SLC6A7: variants seen among roughly 807,000 people sequenced by gnomAD.
The protein encoded by SLC6A7 is sodium-dependent proline transporter.
A neutral mutation model predicts 73.1 loss-of-function variants in SLC6A7; 58 were observed. The observed-to-expected ratio is 0.79, with a 90% CI of 0.64 to 0.99. The LOEUF (loss-of-function observed/expected upper bound fraction) is 0.99. SLC6A7 is among the 50% of genes least tolerant of loss of function. The pLI is 0.00. For synonymous variants in SLC6A7, 338 were observed against 338.7 expected, an observed-to-expected ratio of 1.00 and a Z score of 0.02; for missense variants, 783 against 831.4, an observed-to-expected ratio of 0.94 and a Z score of 0.72.
chr5:150,196,744 G>A lies in SLC6A7; in HGVS notation c.246G>A (p.Met82Ile), dbSNP rs1299240222. Reference sequence around the variant, plus strand: ...CCTTCCTCGTGCCCTACTTCCTCATGCTGGCCATCTGTGGCATCCCCCTCT... The same window carrying A: ...CCTTCCTCGTGCCCTACTTCCTCATACTGGCCATCTGTGGCATCCCCCTCT... Reference protein sequence around the residue: ...GGAFLVPYFLMLAICGIPLFF... With the variant: ...GGAFLVPYFLILAICGIPLFF... The change falls in exon 3 of 14, where the codon ATG (methionine) becomes ATA (isoleucine). Residue 82 changes from methionine (M) to isoleucine (I), a missense_variant. Physicochemically the swap from Met to Ile is conservative, Grantham distance 10. Transcript: ENST00000230671. The A allele has an allele frequency of 2.5e-6, 4 of 1,614,040 alleles. No homozygotes were observed. The highest frequency in any genetic ancestry group is 1.3e-5 in the African/African-American group (1 of 75,040).
chr5:150,199,114 AG>A, intron 4 of SLC6A7, 113 bp from the exon 5 acceptor site: 1 of 1,367,982 alleles, frequency 7.3e-7, no homozygotes, highest in South Asian at 1.7e-5. Context: ...AGGGATCAAG[AG>A]GGCGTCAAGT....
At chr5:150,206,243 C>A (rs867334932) in intron 13 of SLC6A7, among the ~76,000 whole-genome samples, 6 of 152,124 alleles carry the variant, frequency 3.9e-5, no homozygotes, top group African/African-American at 1.4e-4. Flanking sequence ...GTGTGGAGTC[C>A]TCCGGTGGCA....
chr5:150,192,817 G>T (rs1382541901), intron 1 of SLC6A7, among the ~76,000 whole-genome samples: 3 of 152,226 alleles, frequency 2.0e-5, no homozygotes, highest in African/African-American at 7.2e-5. Context: ...GGGACCTCCT[G>T]CTAACTGGCC....
intron 2 of SLC6A7, 55 bp downstream of exon 2, chr5:150,194,966 G>A (rs1752952132): frequency 4.0e-6 from 6 of 1,513,980 alleles, no homozygotes; most frequent in Non-Finnish European, 5.5e-6. Context: ...CAAGGCCCTG[G>A]GGTACAGTGA....
chr5:150,205,760 G>C, intron 13 of SLC6A7, 137 bp downstream of exon 13: 1 of 723,072 alleles, frequency 1.4e-6, no homozygotes, highest in South Asian at 1.9e-5. Context: ...CCTGGGCTGA[G>C]GCAGATTCAG....
At chr5:150,204,681 G>A in intron 11 of SLC6A7, 50 bp downstream of exon 11, 1 of 1,451,120 alleles carries the variant, frequency 6.9e-7, no homozygotes, top group Non-Finnish European at 9.7e-7. Flanking sequence ...GTGGGAGAAT[G>A]GGAGTCTACC....
In SLC6A7 at chr5:150,196,928, G is replaced by A. The variant is rs563332249; in HGVS notation, c.349+81G>A. The A allele has an allele frequency of 7.1e-6, 11 of 1,543,354 alleles. No homozygotes were observed. The East Asian group carries it at 2.3e-4, about 32-fold the overall frequency. On this transcript the variant is annotated intron_variant, in intron 3 of 13. Coordinates refer to ENST00000230671, the MANE Select transcript of SLC6A7 (RefSeq NM_014228.5). ...GAGGTTGCCCCCAGAACCCCTGCCAGCTCCAGGCAGAGGTGGAAGTGAAGC... is the reference window on the plus strand; with the variant it reads ...GAGGTTGCCCCCAGAACCCCTGCCAACTCCAGGCAGAGGTGGAAGTGAAGC...
At chr5:150,207,244 G>C (rs1278871609) in intron 13 of SLC6A7, among the ~76,000 whole-genome samples, 3 of 152,030 alleles carry the variant, frequency 2.0e-5, no homozygotes, top group African/African-American at 7.3e-5. Context: ...CCAATAGGCA[G>C]GTTTTTTTGT....
Position 150,203,978 on chromosome 5 carries a change from G to A in SLC6A7, c.1272G>A (p.Ala424=), listed in dbSNP as rs568505251. 17 of 1,613,804 alleles carry A rather than the reference G, an allele frequency of 1.1e-5. No homozygotes were observed. The highest frequency in any genetic ancestry group is 9.9e-5 in the South Asian group (9 of 91,052). ...CATACTACCTGCGGCCCAAGAAGGC[G>A]GTGTTCTCAGGGCTCATCTGCGTGG... ...EFPYYLRPKK[A]VFSGLICVAM... Residue 424 remains alanine, a synonymous_variant, in exon 10 of 14, where the codon GCG becomes GCA. Transcript: ENST00000230671.
At chr5:150,192,985 C>T (rs139285543) in intron 1 of SLC6A7, among the ~76,000 whole-genome samples, 8 of 152,284 alleles carry the variant, frequency 5.3e-5, no homozygotes, top group East Asian at 3.9e-4. Context: ...CCTCAGGGAA[C>T]GGGGCATTGG....
At position 150,202,855 on chromosome 5, in the gene SLC6A7, G is replaced by A. The variant is rs1013410264; in HGVS notation, c.1087+152G>A. Reference sequence around the variant, plus strand: ...TTTGGGAGGCCAAGGTGGGCGGATCGCTTGAGGTCAGGAGTTCGAGACCAG... The same window carrying A: ...TTTGGGAGGCCAAGGTGGGCGGATCACTTGAGGTCAGGAGTTCGAGACCAG... On this transcript the variant is annotated intron_variant, in intron 8 of 13. Coordinates refer to ENST00000230671, the MANE Select transcript of SLC6A7 (RefSeq NM_014228.5). The A allele has an allele frequency of 2.2e-5, 18 of 804,646 alleles. 1 individual carries two copies. The highest frequency in any genetic ancestry group is 1.1e-4 in the South Asian group (6 of 55,654). 49.8% of individuals were successfully genotyped at this position (804,646 alleles called of 1,614,324 possible).
intron 4 of SLC6A7, among the ~76,000 whole-genome samples, chr5:150,198,251 G>C (rs1473882432): frequency 6.6e-6 from 1 of 152,160 alleles, no homozygotes; most frequent in African/African-American, 2.4e-5. Context: ...AAAATAGCCT[G>C]GTCCCTAGGT....
chr5:150,205,417 C>A, intron 12 of SLC6A7, 39 bp from the exon 13 acceptor site: 1 of 1,549,712 alleles, frequency 6.5e-7, no homozygotes, highest in South Asian at 1.2e-5. Context: ...GCAGTTTAGA[C>A]AAAAGCCCGC....
At chr5:150,206,649 C>T (rs1397626643) in intron 13 of SLC6A7, among the ~76,000 whole-genome samples, 1 of 152,258 alleles carries the variant, frequency 6.6e-6, no homozygotes, top group Non-Finnish European at 1.5e-5. Context: ...TGCCAGACCA[C>T]AGGGGCACCC....
intron 13 of SLC6A7, among the ~76,000 whole-genome samples, chr5:150,209,055 C>T: frequency 6.6e-6 from 1 of 152,248 alleles, no homozygotes; most frequent in East Asian, 1.9e-4. Context: ...CGCCACTTCC[C>T]AGGCCTTACC....
At chr5:150,196,095 G>A (rs911998892) in intron 2 of SLC6A7, among the ~76,000 whole-genome samples, 3 of 152,214 alleles carry the variant, frequency 2.0e-5, no homozygotes, top group East Asian at 1.9e-4. Context: ...GCTTTGGATA[G>A]GTGCCCACGG....
At chr5:150,198,049 G>GAAAGAA (rs1316443957) in intron 4 of SLC6A7, among the ~76,000 whole-genome samples, 1 of 103,608 alleles carries the variant, frequency 9.7e-6, no homozygotes, top group Non-Finnish European at 1.8e-5. Context: ...AAAGAAGAAA[G>GAAAGAA]AGAAAGAAAG....
At chr5:150,191,237 G>C (rs767625563) in intron 1 of SLC6A7, among the ~76,000 whole-genome samples, 3 of 152,084 alleles carry the variant, frequency 2.0e-5, no homozygotes, top group African/African-American at 7.3e-5. Context: ...GGCCCCACTG[G>C]GTGTGTGAGG....
Position 150,209,941 on chromosome 5 carries a change from G to A in SLC6A7, c.*326G>A, listed in dbSNP as rs1437140865. Reference sequence around the variant, plus strand: ...CATGGCAGAGGGGACTTGAACCCACGCCTCCTGACCAGCCAGCTCCCTTTC... The same window carrying A: ...CATGGCAGAGGGGACTTGAACCCACACCTCCTGACCAGCCAGCTCCCTTTC... On this transcript the variant is annotated 3_prime_UTR_variant, in exon 14 of 14. Transcript: ENST00000230671. 1.4e-5 allele frequency: 5 copies of A among 355,506 alleles called. No homozygotes were observed. Among genetic ancestry groups the A allele is most frequent in the Non-Finnish European group, 2.7e-5 (5 of 187,806 alleles). 22.0% of individuals were successfully genotyped at this position (355,506 alleles called of 1,614,324 possible). A position where few individuals can be genotyped will look rare whatever the true frequency, so the allele number is the denominator to read the frequency against.
Sources: gnomAD v4.1 joint callset for allele counts (sites outside exome capture counted in the v4.1 genomes callset) on GRCh38, gnomAD v4.1.1 for gene constraint, MANE v1.5 for transcripts, NCBI Gene and HGNC (gene_info 2026-07-23, HGNC 2026-07-21) for gene names.